CLASP1: variants seen among roughly 807,000 people sequenced by gnomAD.
CLASP1 encodes cytoplasmic linker associated protein 1, also known as CLIP-associating protein 1.
Under a neutral mutation model 192.3 loss-of-function variants are expected in CLASP1, and 38 were observed. That is an observed-to-expected ratio of 0.20 (90% confidence interval 0.15 to 0.26). The LOEUF (loss-of-function observed/expected upper bound fraction) is 0.26, where lower values mean the gene tolerates loss of function less well. CLASP1 is among the 10% of genes least tolerant of loss of function. The pLI is 1.00. For missense variants in CLASP1, 1,433 were observed against 1,932.5 expected (o/e 0.74, Z 4.85); for synonymous variants, 691 against 712.8 (o/e 0.97, Z 0.49).
intron 9 of CLASP1, among the ~76,000 whole-genome samples, chr2:121,464,872 G>T (rs536657999): frequency 6.6e-6 from 1 of 152,212 alleles, no homozygotes; most frequent in East Asian, 1.9e-4. Flanking sequence ...GTCAATTTTG[G>T]CTTCTGTTGC....
intron 3 of CLASP1, among the ~76,000 whole-genome samples, chr2:121,529,640 A>C (rs747005388): frequency 1.3e-5 from 2 of 152,178 alleles, no homozygotes; most frequent in Non-Finnish European, 2.9e-5. Context: ...AAATCTATGA[A>C]ATCTGTGGGT....
At chr2:121,562,664 A>T (rs1331916812) in intron 2 of CLASP1, among the ~76,000 whole-genome samples, 3 of 152,206 alleles carry the variant, frequency 2.0e-5, no homozygotes, top group Non-Finnish European at 4.4e-5. Context: ...ATTTACTAGG[A>T]GATCAAACAT....
intron 2 of CLASP1, among the ~76,000 whole-genome samples, chr2:121,581,423 C>T (rs1031176144): frequency 2.0e-5 from 3 of 151,356 alleles, no homozygotes; most frequent in Admixed American, 6.6e-5. Context: ...TACAGGCGCC[C>T]GCCACCACGC....
chr2:121,407,857 G>C (rs773590856), intron 24 of CLASP1, 142 bp from the exon 26 acceptor site: 1 of 1,007,934 alleles, frequency 9.9e-7, no homozygotes, highest in East Asian at 2.4e-5. Flanking sequence ...TGTGCTTATA[G>C]ATTAGGGAAA....
intron 23 of CLASP1, among the ~76,000 whole-genome samples, chr2:121,411,838 G>A (rs910059410): frequency 2.6e-5 from 4 of 152,118 alleles, no homozygotes; most frequent in Non-Finnish European, 5.9e-5. Flanking sequence ...AGTGTAAGTT[G>A]TATCTTCATT....
intron 8 of CLASP1, among the ~76,000 whole-genome samples, chr2:121,475,648 T>C (rs1000663313): frequency 6.6e-6 from 1 of 152,266 alleles, no homozygotes; most frequent in Non-Finnish European, 1.5e-5. Context: ...CCTCTTTTTC[T>C]AGTGCTTTAA....
At position 121,629,482 on chromosome 2, in the gene CLASP1, C is replaced by T. The variant is rs376194778; in HGVS notation, c.-286+19890G>A. ...CAATCATTTTAGTGAAAAAAGCAAA[C>T]TAGAAAACAATTAGAAAAGCAAACT... is the stretch of plus-strand genomic sequence containing the variant. On this transcript the variant is annotated intron_variant, in intron 1 of 39. Transcript: ENST00000263710. 3.3e-4 allele frequency among the ~76,000 whole-genome samples: 50 copies of T among 152,094 alleles called. No homozygotes were observed. The South Asian group carries it at 8.7e-3, about 27-fold the overall frequency.
chr2:121,526,036 C>T (rs2094566260), intron 5 of CLASP1, 116 bp from the exon 6 acceptor site: 3 of 710,226 alleles, frequency 4.2e-6, no homozygotes. Context: ...CACCTCATAC[C>T]AAGTCTCTCT....
At chr2:121,393,910 AC>A (rs1416940348) in intron 30 of CLASP1, among the ~76,000 whole-genome samples, 2 of 152,044 alleles carry the variant, frequency 1.3e-5, no homozygotes, top group African/African-American at 4.8e-5. Flanking sequence ...CAGAATACAG[AC>A]ATGCATCTGC....
chr2:121,464,662 T>C (rs2149910993), intron 9 of CLASP1, among the ~76,000 whole-genome samples: 1 of 152,336 alleles, frequency 6.6e-6, no homozygotes, highest in Non-Finnish European at 1.5e-5. Flanking sequence ...GAAGTGTCTG[T>C]TCATGTCCTT....
chr2:121,372,110 T>G (rs1313999267), intron 34 of CLASP1, among the ~76,000 whole-genome samples: 3 of 152,226 alleles, frequency 2.0e-5, no homozygotes, highest in African/African-American at 7.2e-5. Flanking sequence ...ATCAAAACAT[T>G]GGCAAGTAAA....
chr2:121,528,597 T>A (rs1368995887), intron 4 of CLASP1, 80 bp downstream of exon 4: 2 of 1,056,474 alleles, frequency 1.9e-6, no homozygotes, highest in East Asian at 4.7e-5. Flanking sequence ...ACACCATTTG[T>A]GCAAGTACAC....
At chr2:121,552,346 C>T (rs917953089) in intron 2 of CLASP1, among the ~76,000 whole-genome samples, 3 of 152,020 alleles carry the variant, frequency 2.0e-5, no homozygotes, top group Non-Finnish European at 1.5e-5. Context: ...CAAATGGGAT[C>T]GAATTAAACT....
At chr2:121,548,230 C>T (rs2057666459) in intron 2 of CLASP1, among the ~76,000 whole-genome samples, 1 of 152,284 alleles carries the variant, frequency 6.6e-6, no homozygotes. Flanking sequence ...CCTAAAGGAT[C>T]TGACAGAGCT....
At chr2:121,517,858 C>CTTTTTTTTTTTTTTTTTTTTTTT (rs70954553) in intron 6 of CLASP1, among the ~76,000 whole-genome samples, 1 of 30,820 alleles carries the variant, frequency 3.2e-5, no homozygotes, top group African/African-American at 1.4e-4. Context: ...AAGACTCAAG[C>CTTTTTTTTTTTTTTTTTTTTTTT]TTTTTTTTTT....
rs368511562 is a variant in CLASP1 at position 121,401,650 on chromosome 2, G to C, written c.2759C>G (p.Thr920Ser). 6 of 1,610,724 alleles carry C rather than the reference G, an allele frequency of 3.7e-6. No individual in the cohort carries two copies. In the South Asian group the frequency reaches 4.4e-5, roughly 12 times the overall value. The change falls in exon 28 of 40, where the codon ACT becomes AGT. Residue 920 changes from threonine (T) to serine (S), a missense_variant. Coordinates refer to ENST00000263710, the Ensembl canonical transcript of CLASP1. ...ATGAATTATTATAAAATCCACAAGA[G>C]TCTCCAAAAACATACTGAAAACCTA...
chr2:121,399,144 G>A (rs1247537542), intron 28 of CLASP1, among the ~76,000 whole-genome samples: 1 of 152,126 alleles, frequency 6.6e-6, no homozygotes, highest in Non-Finnish European at 1.5e-5. Context: ...CCCAATCTAC[G>A]TAAATGTAGT....
At position 121,407,214 on chromosome 2, in the gene CLASP1, C is replaced by CA. The variant is rs34241757; in HGVS notation, c.2669+256dup. On this transcript the variant is annotated intron_variant, in intron 25 of 39. Coordinates refer to ENST00000263710, the Ensembl canonical transcript of CLASP1. The stretch of plus-strand genomic sequence containing the variant: ...TGGGCAACAGAGCGAGATTCCATCT[C>CA]AAAAAAAAAAAAAAAGTAAAGAAAA... Among the ~76,000 whole-genome samples, 601 of 104,620 alleles carry CA rather than the reference C, an allele frequency of 5.7e-3. 5 individuals carry two copies. The highest frequency in any genetic ancestry group is 0.027 in the South Asian group (94 of 3,494). 68.6% of individuals were successfully genotyped at this position (104,620 alleles called of 152,430 possible).
intron 14 of CLASP1, among the ~76,000 whole-genome samples, chr2:121,453,686 T>C (rs901738002): frequency 2.0e-5 from 3 of 152,270 alleles, no homozygotes. Flanking sequence ...TTTCAAAATG[T>C]AGCTCATTTT....
Sources: allele counts gnomAD v4.1 joint callset (sites outside exome capture counted in the v4.1 genomes callset), GRCh38; gene constraint gnomAD v4.1.1; transcripts MANE v1.5; gene names NCBI Gene and HGNC (gene_info 2026-07-23, HGNC 2026-07-21).